The following SPECC1L variants were observed in gnomAD, a reference collection of about 807,000 sequenced individuals.
SPECC1L encodes cytospin-A.
A neutral mutation model predicts 116.8 loss-of-function variants in SPECC1L; 40 were observed. The observed-to-expected ratio is 0.34, with a 90% confidence interval of 0.27 to 0.45. The LOEUF is 0.45. Ranked by LOEUF, SPECC1L falls within the 20% of genes least tolerant of loss-of-function variation. The pLI, the probability that SPECC1L is intolerant of heterozygous loss-of-function variation, is 1.00. For synonymous variants in SPECC1L, 504 were observed against 500.6 expected (o/e 1.01, Z -0.09); for missense variants, 1,110 against 1,373.6 (o/e 0.81, Z 3.03).
chr22:24,303,533 G>A (rs1046804505), intron 3 of SPECC1L, among the ~76,000 whole-genome samples: 1 of 152,160 alleles, frequency 6.6e-6, no homozygotes, highest in African/African-American at 2.4e-5. Context: ...GGCGTGGAGT[G>A]CCTGTGTGAC....
At chr22:24,410,613 A>G (rs2051966966) in intron 14 of SPECC1L, among the ~76,000 whole-genome samples, 1 of 152,152 alleles carries the variant, frequency 6.6e-6, no homozygotes, top group African/African-American at 2.4e-5. Flanking sequence ...CGAAACCTGT[A>G]TTTTCAGATT....
Position 24,395,684 on chromosome 22 carries a change from C to T in SPECC1L, c.3088-15904C>T, listed in dbSNP as rs565222463. Among the ~76,000 whole-genome samples the T allele has an allele frequency of 4.6e-5, 7 of 152,298 alleles. No homozygotes were observed. In the East Asian group the frequency reaches 1.4e-3, roughly 29 times the overall value. On this transcript the variant is annotated intron_variant, in intron 14 of 16. Transcript: ENST00000314328. ...ACAGAATCTTGCTCTGTCTCCCAGG[C>T]TGGAGTGCAGTGGCGTGATATCAGC...
intron 2 of SPECC1L, among the ~76,000 whole-genome samples, chr22:24,296,283 C>T (rs200075242): frequency 2.9e-4 from 44 of 152,224 alleles, no homozygotes; most frequent in Admixed American, 2.8e-3. Context: ...GTACAAGGTA[C>T]CGCACAGGAC....
chr22:24,367,307 T>C (rs1299432688), intron 13 of SPECC1L, among the ~76,000 whole-genome samples: 1 of 152,238 alleles, frequency 6.6e-6, no homozygotes, highest in African/African-American at 2.4e-5. Context: ...TGTGGTTTAG[T>C]GATAGTATAA....
Position 24,279,224 on chromosome 22 carries a change from A to G in SPECC1L, c.-38+2421A>G, listed in dbSNP as rs2048894924. Among the ~76,000 whole-genome samples, 7 of 152,308 alleles carry G rather than the reference A, an allele frequency of 4.6e-5. No homozygotes were observed. In the South Asian group the frequency reaches 1.4e-3, roughly 32 times the overall value. Reference sequence around the variant, plus strand: ...GCTATAATTTAAAATAATCTGGGTCACCTAGAGTGGTTAAACCTGGAAGAA... The same window carrying G: ...GCTATAATTTAAAATAATCTGGGTCGCCTAGAGTGGTTAAACCTGGAAGAA... On this transcript the variant is annotated intron_variant, in intron 2 of 16. Transcript: ENST00000314328.
At chr22:24,344,408 TA>T (rs1473272924) in intron 10 of SPECC1L, among the ~76,000 whole-genome samples, 1 of 151,906 alleles carries the variant, frequency 6.6e-6, no homozygotes, top group Admixed American at 6.5e-5. Flanking sequence ...CATCCATTCA[TA>T]GTAAAACTCT....
intron 2 of SPECC1L, among the ~76,000 whole-genome samples, chr22:24,288,137 A>C (rs553291379): frequency 6.6e-6 from 1 of 151,744 alleles, no homozygotes; most frequent in African/African-American, 2.4e-5. Context: ...GTCTGTACAC[A>C]TGAGACCTTT....
At chr22:24,354,174 G>A (rs557318996) in intron 11 of SPECC1L, among the ~76,000 whole-genome samples, 89 of 152,194 alleles carry the variant, frequency 5.8e-4, no homozygotes, top group Admixed American at 2.0e-3. Context: ...CCTATGACCC[G>A]GGTACCTCCT....
chr22:24,282,821 A>G (rs1484283146), intron 2 of SPECC1L, among the ~76,000 whole-genome samples: 2 of 149,992 alleles, frequency 1.3e-5, no homozygotes, highest in African/African-American at 4.9e-5. Context: ...CCTGTCACCC[A>G]GGCTGGAGTG....
chr22:24,292,223 A>C (rs2049168883), intron 2 of SPECC1L, among the ~76,000 whole-genome samples: 2 of 152,232 alleles, frequency 1.3e-5, no homozygotes. Flanking sequence ...TTCTGGATGC[A>C]GTATGACAAT....
chr22:24,281,860 A>G (rs780297146), intron 2 of SPECC1L, among the ~76,000 whole-genome samples: 24 of 152,360 alleles, frequency 1.6e-4, no homozygotes, highest in Middle Eastern at 6.8e-3. Context: ...CACCTTGCCC[A>G]TTGCCTAGAC....
intron 11 of SPECC1L, 111 bp downstream of exon 11, chr22:24,347,287 G>GGT: frequency 2.5e-6 from 2 of 801,028 alleles, no homozygotes. Context: ...CAATCAATCT[G>GGT]GTATACCTTT....
chr22:24,313,122 C>T (rs1432180198), intron 3 of SPECC1L, among the ~76,000 whole-genome samples, 191 bp from the exon 4 acceptor site: 1 of 152,078 alleles, frequency 6.6e-6, no homozygotes, highest in East Asian at 1.9e-4. Flanking sequence ...AAAAGAAGTA[C>T]GTGATTGTTT....
intron 3 of SPECC1L, among the ~76,000 whole-genome samples, chr22:24,307,152 TG>T (rs754711149): frequency 3.9e-5 from 6 of 151,946 alleles, no homozygotes; most frequent in South Asian, 4.2e-4. Flanking sequence ...CTTTCAATTT[TG>T]GGGGGGGTAT....
At chr22:24,353,514 C>G (rs915666675) in intron 11 of SPECC1L, among the ~76,000 whole-genome samples, 45 of 152,064 alleles carry the variant, frequency 3.0e-4, no homozygotes, top group Non-Finnish European at 5.7e-4. Flanking sequence ...GTTCAACTCT[C>G]ATGCTTTAGC....
chr22:24,393,520 G>T (rs1798308801), intron 14 of SPECC1L, among the ~76,000 whole-genome samples: 1 of 152,196 alleles, frequency 6.6e-6, no homozygotes, highest in Non-Finnish European at 1.5e-5. Flanking sequence ...CTTTTGACCA[G>T]GGTCCCTTGG....
At chr22:24,399,282 G>A (rs1176874362) in intron 14 of SPECC1L, among the ~76,000 whole-genome samples, 3 of 152,346 alleles carry the variant, frequency 2.0e-5, no homozygotes. Context: ...ACTAAAAAAA[G>A]TTAAAGCGCC....
intron 15 of SPECC1L, among the ~76,000 whole-genome samples, chr22:24,411,940 G>A (rs534295100): frequency 2.0e-5 from 3 of 152,364 alleles, no homozygotes; most frequent in East Asian, 3.9e-4. Context: ...CCTAGTGGGA[G>A]CAGCCAGTCC....
At chr22:24,324,715 G>A (rs922393269) in intron 6 of SPECC1L, among the ~76,000 whole-genome samples, 9 of 152,184 alleles carry the variant, frequency 5.9e-5, no homozygotes, top group Non-Finnish European at 1.3e-4. Context: ...GCTGGGTGTG[G>A]TGCCAGGTGC....
Sources: gnomAD v4.1 joint callset for allele counts (sites outside exome capture counted in the v4.1 genomes callset) on GRCh38, gnomAD v4.1.1 for gene constraint, MANE v1.5 for transcripts, NCBI Gene and HGNC (gene_info 2026-07-23, HGNC 2026-07-21) for gene names.